TK2: variants seen among roughly 807,000 people sequenced by gnomAD.
The protein encoded by TK2 is thymidine kinase 2, mitochondrial.
TK2 carries 35 observed loss-of-function variants against 41.9 expected under a neutral mutation model. That is an observed-to-expected ratio of 0.84 (90% CI 0.64 to 1.11). TK2 has a LOEUF of 1.11. TK2 is among the 50% of genes least tolerant of loss of function. The probability of loss-of-function intolerance (pLI) is 0.00; values close to 1 mark genes in which losing one functional copy is unlikely to be tolerated. For synonymous variants in TK2, 128 were observed against 129.1 expected, an observed-to-expected ratio of 0.99 and a Z score of 0.06; for missense variants, 320 against 351.1, an observed-to-expected ratio of 0.91 and a Z score of 0.71.
rs1964390417 is a variant in TK2 at position 66,509,582 on chromosome 16, C to A, written c.*2386G>T. 6.6e-6 allele frequency: 1 copy of A among 152,204 alleles called. No homozygotes were observed. Among genetic ancestry groups the A allele is most frequent in the South Asian group, 2.1e-4 (1 of 4,822 alleles). 9.4% of individuals were successfully genotyped at this position (152,204 alleles called of 1,614,324 possible). ...GAGGTAGAGCAGCTGAGCAGCTCTG[C>A]GGTGTACTGACTTCATGTCCCCATG... On this transcript the variant is annotated 3_prime_UTR_variant, in exon 10 of 10. Coordinates refer to ENST00000544898, the MANE Select transcript of TK2 (RefSeq NM_004614.5).
chr16:66,519,555 G>A (rs1447241654), intron 6 of TK2, among the ~76,000 whole-genome samples: 3 of 152,346 alleles, frequency 2.0e-5, no homozygotes, highest in African/African-American at 7.2e-5. Flanking sequence ...GAGCCAGGGT[G>A]AAGGAGAAAT....
rs138450128 is a variant in TK2 at position 66,525,331 on chromosome 16, T to C, written c.449+3663A>G. On this transcript the variant is annotated intron_variant, in intron 6 of 9. Coordinates refer to ENST00000544898, the MANE Select transcript of TK2 (RefSeq NM_004614.5). ...ATGGTGTTTAATACAGGAACATCCA[T>C]TGTCCTCAATGATAAGTTATGTAAA... Among the ~76,000 whole-genome samples, 1,387 of 152,340 alleles carry C rather than the reference T, an allele frequency of 9.1e-3. 22 individuals are homozygous for C. The highest frequency in any genetic ancestry group is 0.032 in the African/African-American group (1,335 of 41,574).
intron 6 of TK2, among the ~76,000 whole-genome samples, chr16:66,527,557 C>T (rs1222612367): frequency 6.6e-6 from 1 of 152,174 alleles, no homozygotes; most frequent in Admixed American, 6.5e-5. Context: ...GCAAGGACAA[C>T]AAACTTGGTG....
chr16:66,530,083 A>G (rs1240101052), intron 5 of TK2, among the ~76,000 whole-genome samples: 5 of 152,252 alleles, frequency 3.3e-5, no homozygotes, highest in Non-Finnish European at 7.3e-5. Context: ...AAAATGCACT[A>G]ACCTCAGATC....
intron 2 of TK2, chr16:66,546,695 G>T: frequency 1.3e-5 from 2 of 150,390 alleles, no homozygotes; most frequent in Non-Finnish European, 1.5e-5. Context: ...GTTTTTAATG[G>T]CTTTACATAA....
chr16:66,523,567 G>A (rs181037950), intron 6 of TK2, among the ~76,000 whole-genome samples: 172 of 152,342 alleles, frequency 1.1e-3, no homozygotes, highest in African/African-American at 4.0e-3. Context: ...GGTGGCTCAC[G>A]CCTATAATCC....
At chr16:66,524,977 G>C (rs147646994) in intron 6 of TK2, 2 of 152,356 alleles carry the variant, frequency 1.3e-5, no homozygotes, top group East Asian at 1.9e-4. Flanking sequence ...AGCAGGGTTC[G>C]GAACACCTTC....
intron 8 of TK2, among the ~76,000 whole-genome samples, chr16:66,516,197 G>A (rs930183539): frequency 7.2e-5 from 11 of 151,922 alleles, no homozygotes; most frequent in Non-Finnish European, 1.6e-4. Flanking sequence ...GGTTTGGGGG[G>A]GGTTACAATG....
At chr16:66,529,892 C>T (rs1965055664) in intron 5 of TK2, among the ~76,000 whole-genome samples, 1 of 152,218 alleles carries the variant, frequency 6.6e-6, no homozygotes, top group African/African-American at 2.4e-5. Flanking sequence ...TCCTAGCTCC[C>T]CATTCATCCC....
intron 6 of TK2, among the ~76,000 whole-genome samples, chr16:66,521,139 T>C (rs1964767662): frequency 6.6e-6 from 1 of 152,198 alleles, no homozygotes; most frequent in Non-Finnish European, 1.5e-5. Flanking sequence ...TGCCCACAGA[T>C]ATGATCATGG....
At chr16:66,547,872 G>C in intron 2 of TK2, 2 of 1,239,952 alleles carry the variant, frequency 1.6e-6, no homozygotes, top group South Asian at 2.7e-5. Context: ...TTGTGTGTCT[G>C]GGGGCACATC....
At chr16:66,549,176 G>A (rs1965701944) in intron 1 of TK2, 167 bp from the exon 2 acceptor site, 16 of 1,479,786 alleles carry the variant, frequency 1.1e-5, no homozygotes, top group Non-Finnish European at 1.4e-5. Context: ...CCACCGTCTC[G>A]CCGATGTGCC....
chr16:66,547,681 C>T (rs1380671661), intron 2 of TK2, among the ~76,000 whole-genome samples: 1 of 151,842 alleles, frequency 6.6e-6, no homozygotes, highest in Admixed American at 6.6e-5. Flanking sequence ...TCAGACAGAC[C>T]TCCCCCATCA....
At position 66,528,980 on chromosome 16, in the gene TK2, T is replaced by G. The variant is rs144627957; in HGVS notation, c.449+14A>C. 1.2e-3 allele frequency: 1,986 copies of G among 1,612,868 alleles called. 18 individuals carry two copies. The African/African-American group carries it at 0.022, about 18-fold the overall frequency. ...AGTGGTTTAATAAATTATCAACTAT[T>G]CAAACTACAGTACCTTCTATACAGG... On this transcript the variant is annotated intron_variant, in intron 6 of 9. Coordinates refer to ENST00000544898, the MANE Select transcript of TK2 (RefSeq NM_004614.5).
At chr16:66,550,264 C>T (rs1354723678), upstream of TK2, 3 of 1,595,528 alleles carry the variant, frequency 1.9e-6, no homozygotes, top group African/African-American at 2.7e-5. Flanking sequence ...ACTGCTAGGA[C>T]GCTGGCAGAA....
At position 66,517,974 on chromosome 16, in the gene TK2, A is replaced by T. The variant is rs1256151289; in HGVS notation, c.450-97T>A. Reference sequence around the variant, plus strand: ...TCTTGAGACGGCTCTCAATGAAAGGAGTCACCAAGGGTACCAGGGCACAGT... The same window carrying T: ...TCTTGAGACGGCTCTCAATGAAAGGTGTCACCAAGGGTACCAGGGCACAGT... On this transcript the variant is annotated intron_variant, in intron 6 of 9. Coordinates refer to ENST00000544898, the MANE Select transcript of TK2 (RefSeq NM_004614.5). The surrounding 1 kb of genome is among the most constrained non-coding windows in gnomAD (Gnocchi z 4.3). 6.1e-6 allele frequency: 6 copies of T among 988,776 alleles called. No individual in the cohort carries two copies. The Admixed American group carries it at 1.0e-4, about 17-fold the overall frequency. 61.3% of individuals were successfully genotyped at this position (988,776 alleles called of 1,614,324 possible). A position where few individuals can be genotyped will look rare whatever the true frequency, so the allele number is the denominator to read the frequency against.
At position 66,550,118 on chromosome 16, in the gene TK2, C is replaced by A. The variant is rs892909471; in HGVS notation, c.-57G>T. 2 of 1,611,118 alleles carry A rather than the reference C, an allele frequency of 1.2e-6. No individual in the cohort carries two copies. The highest frequency in any genetic ancestry group is 2.2e-5 in the East Asian group (1 of 44,830). On this transcript the variant is annotated 5_prime_UTR_variant, in exon 1 of 10. Transcript: ENST00000544898. ...TCCTTCTTGTGCGAGTCGGCGCGGA[C>A]GACTGCTAGTCCAGCCGTTGGGCGC... is the stretch of plus-strand genomic sequence containing the variant.
At chr16:66,541,659 C>T (rs904094993) in intron 3 of TK2, among the ~76,000 whole-genome samples, 5 of 152,100 alleles carry the variant, frequency 3.3e-5, no homozygotes, top group Non-Finnish European at 5.9e-5. Flanking sequence ...TCAAGCAATC[C>T]ACCTGCTTCC....
chr16:66,538,355 C>T (rs1432134783), intron 3 of TK2, among the ~76,000 whole-genome samples: 4 of 152,026 alleles, frequency 2.6e-5, no homozygotes, highest in African/African-American at 9.7e-5. Flanking sequence ...TCAAATATGC[C>T]CTTCCCCTGC....
Sources: allele counts gnomAD v4.1 joint callset (sites outside exome capture counted in the v4.1 genomes callset), GRCh38; gene constraint gnomAD v4.1.1; non-coding constraint Gnocchi (gnomAD v3.1); transcripts MANE v1.5; gene names NCBI Gene and HGNC (gene_info 2026-07-23, HGNC 2026-07-21).